Variants in ITPKC observed in about 807,000 individuals in gnomAD.
ITPKC encodes the protein IP3 3-kinase C.
ITPKC carries 33 observed loss-of-function variants against 67.1 expected under a neutral mutation model. That is an observed-to-expected ratio of 0.49 (90% CI 0.37 to 0.66). ITPKC has a LOEUF of 0.66. Among genes scored for constraint, ITPKC ranks in the 30% least tolerant of loss-of-function variants. The pLI is 0.00. For missense variants in ITPKC, 820 were observed against 892.1 expected (o/e 0.92, Z 1.03); for synonymous variants, 341 against 359.8 (o/e 0.95, Z 0.59).
intron 3 of ITPKC, among the ~76,000 whole-genome samples, chr19:40,730,032 C>G (rs1599652469): frequency 6.6e-6 from 1 of 152,132 alleles, no homozygotes; most frequent in Non-Finnish European, 1.5e-5. Context: ...TCTCCACCTC[C>G]TGGGTTTAAG....
At chr19:40,735,799 A>G (rs1324550682) in intron 4 of ITPKC, among the ~76,000 whole-genome samples, 3 of 152,178 alleles carry the variant, frequency 2.0e-5, no homozygotes, top group African/African-American at 7.2e-5. Flanking sequence ...TCTGAGCCCT[A>G]CTGAAACATA....
intron 3 of ITPKC, 78 bp from the exon 4 acceptor site, chr19:40,733,082 T>C: frequency 2.4e-6 from 3 of 1,273,572 alleles, no homozygotes; most frequent in Non-Finnish European, 3.4e-6. Flanking sequence ...ACTGTGGCTT[T>C]ATGTCTTAAT....
chr19:40,721,333 A>G (rs147358693), intron 1 of ITPKC, among the ~76,000 whole-genome samples: 74 of 151,450 alleles, frequency 4.9e-4, no homozygotes, highest in African/African-American at 1.8e-3. Flanking sequence ...AAAAAATCCG[A>G]GAAAGCCCAG....
chr19:40,735,062 C>T lies in ITPKC; in HGVS notation c.1674+1698C>T, dbSNP rs183321630. Among the ~76,000 whole-genome samples, 13 of 152,224 alleles carry T rather than the reference C, an allele frequency of 8.5e-5. No individual in the cohort carries two copies. The East Asian group carries it at 2.3e-3, about 27-fold the overall frequency. On this transcript the variant is annotated intron_variant, in intron 4 of 6. Coordinates refer to ENST00000263370, the MANE Select transcript of ITPKC (RefSeq NM_025194.3). ...CACAAAGTGCTGGGATGATTACAGG[C>T]GTGAGCCACTGTGCCCGGCCTAATG... is the stretch of plus-strand genomic sequence containing the variant.
chr19:40,730,276 C>G (rs775756054), intron 3 of ITPKC, among the ~76,000 whole-genome samples: 2 of 152,084 alleles, frequency 1.3e-5, no homozygotes, highest in African/African-American at 4.8e-5. Context: ...CAGCTGGGTT[C>G]AGTGGCTCTC....
Position 40,718,412 on chromosome 19 carries a change from A to G in ITPKC, c.1155+122A>G, listed in dbSNP as rs187188219. The G allele has an allele frequency of 4.4e-5, 55 of 1,263,972 alleles. No homozygotes were observed. In the East Asian group the frequency reaches 1.3e-3, roughly 31 times the overall value. 78.3% of individuals were successfully genotyped at this position (1,263,972 alleles called of 1,614,324 possible). On this transcript the variant is annotated intron_variant, in intron 1 of 6. Coordinates refer to ENST00000263370, the MANE Select transcript of ITPKC (RefSeq NM_025194.3). ...GCCCACCAGCAATTTCATCTCCGGG[A>G]ACCTCTTCCATCCACTGACCTCCTC...
intron 2 of ITPKC, among the ~76,000 whole-genome samples, chr19:40,728,747 C>T (rs774089636): frequency 6.6e-6 from 1 of 152,136 alleles, no homozygotes. Flanking sequence ...AGAGTTGCGG[C>T]CTGGGCACAG....
intron 1 of ITPKC, among the ~76,000 whole-genome samples, chr19:40,719,192 C>T (rs2082209308): frequency 6.6e-6 from 1 of 152,176 alleles, no homozygotes; most frequent in African/African-American, 2.4e-5. Flanking sequence ...CTTCACCCCA[C>T]ATGCCTTCCT....
chr19:40,725,870 A>G (rs1022870717), intron 2 of ITPKC, among the ~76,000 whole-genome samples: 2 of 152,146 alleles, frequency 1.3e-5, no homozygotes, highest in African/African-American at 2.4e-5. Context: ...TTGGCAGGCC[A>G]AAACAGGAGG....
intron 3 of ITPKC, among the ~76,000 whole-genome samples, chr19:40,730,291 A>G (rs990124113): frequency 3.9e-5 from 6 of 152,180 alleles, no homozygotes; most frequent in Admixed American, 3.9e-4. Context: ...GCTCTCACCT[A>G]TAATCCCAAC....
chr19:40,720,455 G>A (rs184626216), intron 1 of ITPKC, among the ~76,000 whole-genome samples: 5 of 152,168 alleles, frequency 3.3e-5, no homozygotes, highest in Non-Finnish European at 7.4e-5. Context: ...CGTCAAGTCA[G>A]AGCCAGGATT....
At chr19:40,734,925 G>A (rs1268168134) in intron 4 of ITPKC, among the ~76,000 whole-genome samples, 1 of 151,976 alleles carries the variant, frequency 6.6e-6, no homozygotes, top group East Asian at 1.9e-4. Context: ...GGGATTACAG[G>A]TGTGCACCAC....
intron 3 of ITPKC, among the ~76,000 whole-genome samples, chr19:40,729,689 C>T (rs201954213): frequency 7.2e-5 from 11 of 152,148 alleles, no homozygotes; most frequent in East Asian, 1.9e-4. Flanking sequence ...ATTGCCTGAA[C>T]CTGGGAGGTG....
chr19:40,727,864 G>A (rs184935141), intron 2 of ITPKC, among the ~76,000 whole-genome samples: 19 of 152,246 alleles, frequency 1.2e-4, no homozygotes, highest in Admixed American at 9.8e-4. Flanking sequence ...GCCCAGGCGG[G>A]AGTGCAGTGG....
At chr19:40,723,001 G>A (rs1020399279) in intron 1 of ITPKC, among the ~76,000 whole-genome samples, 3 of 150,968 alleles carry the variant, frequency 2.0e-5, no homozygotes, top group African/African-American at 7.3e-5. Flanking sequence ...TCGCTTTCTC[G>A]CCCAGGCTGG....
Position 40,733,287 on chromosome 19 carries a change from A to C in ITPKC, c.1597A>C (p.Thr533Pro). The change falls in exon 4 of 7, where the codon ACC (threonine) becomes CCC (proline). Residue 533 changes from threonine (T) to proline (P), a missense_variant. This residue lies in a region of ITPKC where 339 missense variants were observed against 422.0 expected (regional missense o/e 0.80). Coordinates refer to ENST00000263370, the MANE Select transcript of ITPKC (RefSeq NM_025194.3). ...TPEEHAQGAV[T>P]KPRYMQWRET... is the part of the protein sequence containing the mutation. The stretch of plus-strand genomic sequence containing the variant: ...TGAGGAGCATGCCCAGGGTGCAGTC[A>C]CCAAGCCCCGCTACATGCAGTGGAG... The C allele has an allele frequency of 6.2e-7, 1 of 1,613,938 alleles. No individual in the cohort carries two copies. The highest frequency in any genetic ancestry group is 8.5e-7 in the Non-Finnish European group (1 of 1,179,906).
chr19:40,737,798 G>T, intron 6 of ITPKC, 29 bp downstream of exon 6: 1 of 1,583,810 alleles, frequency 6.3e-7, no homozygotes, highest in Non-Finnish European at 8.7e-7. Context: ...ATGGGTGGAT[G>T]TATGGGTGTC....
intron 3 of ITPKC, among the ~76,000 whole-genome samples, 188 bp downstream of exon 3, chr19:40,729,603 T>TA (rs1420801051): frequency 6.6e-6 from 1 of 151,998 alleles, no homozygotes; most frequent in Non-Finnish European, 1.5e-5. Flanking sequence ...CTGTCTCTAC[T>TA]AAAAATACAA....
chr19:40,730,545 C>G (rs916110111), intron 3 of ITPKC, among the ~76,000 whole-genome samples: 3 of 152,144 alleles, frequency 2.0e-5, no homozygotes, highest in African/African-American at 7.2e-5. Context: ...GGTCCTTTCA[C>G]CTTAGCCTCC....
Sources: gnomAD v4.1 joint callset for allele counts (sites outside exome capture counted in the v4.1 genomes callset) on GRCh38, gnomAD v4.1.1 for gene constraint, gnomAD v4.1.1 regional missense constraint, MANE v1.5 for transcripts, NCBI Gene and HGNC (gene_info 2026-07-23, HGNC 2026-07-21) for gene names.